Variants in LGR5 observed in about 807,000 individuals in gnomAD.
The protein encoded by LGR5 is leucine rich repeat containing G protein-coupled receptor 5.
A neutral mutation model predicts 76.7 loss-of-function variants in LGR5; 54 were observed. That is an observed-to-expected ratio of 0.70 (90% CI 0.57 to 0.88). The LOEUF (loss-of-function observed/expected upper bound fraction) is 0.88. LGR5 is among the 40% of genes least tolerant of loss of function. LGR5 has a pLI of 0.00. For missense variants in LGR5, 1,078 were observed against 1,073.3 expected (o/e 1.00, Z -0.06); for synonymous variants, 406 against 421.9 (o/e 0.96, Z 0.46).
intron 1 of LGR5, among the ~76,000 whole-genome samples, chr12:71,474,146 C>A (rs1166213612): frequency 1.3e-5 from 2 of 150,962 alleles, no homozygotes; most frequent in Non-Finnish European, 1.5e-5. Context: ...AAACTAAATA[C>A]AAAAAAAAAA....
intron 10 of LGR5, 29 bp from the exon 11 acceptor site, chr12:71,566,812 A>G: frequency 6.2e-7 from 1 of 1,604,794 alleles, no homozygotes; most frequent in Non-Finnish European, 8.5e-7. Context: ...CCTGAATGAA[A>G]GAATTATGTC....
intron 1 of LGR5, among the ~76,000 whole-genome samples, chr12:71,470,961 G>C (rs1351547352): frequency 6.6e-6 from 1 of 152,110 alleles, no homozygotes; most frequent in Non-Finnish European, 1.5e-5. Flanking sequence ...CAGCATCTTG[G>C]TTACATCTTT....
chr12:71,507,605 T>C (rs1266859729), intron 2 of LGR5, among the ~76,000 whole-genome samples: 2 of 152,180 alleles, frequency 1.3e-5, no homozygotes, highest in Non-Finnish European at 2.9e-5. Flanking sequence ...GTTCAATAGG[T>C]CCAAAATAGT....
chr12:71,455,078 A>T (rs891157010), intron 1 of LGR5, among the ~76,000 whole-genome samples: 5 of 152,124 alleles, frequency 3.3e-5, no homozygotes, highest in African/African-American at 1.2e-4. Flanking sequence ...ACTGGGAGCT[A>T]ATTTAACTAT....
chr12:71,467,176 A>G (rs1402347160), intron 1 of LGR5, among the ~76,000 whole-genome samples: 1 of 152,154 alleles, frequency 6.6e-6, no homozygotes, highest in African/African-American at 2.4e-5. Flanking sequence ...TAAATAGTGG[A>G]GTGAGGGGAT....
intron 4 of LGR5, among the ~76,000 whole-genome samples, chr12:71,551,258 T>C (rs1466865730): frequency 6.6e-6 from 1 of 152,244 alleles, no homozygotes; most frequent in Non-Finnish European, 1.5e-5. Context: ...CAGAAGATGA[T>C]TGAAGTGGCA....
Position 71,577,999 on chromosome 12 carries a change from G to A in LGR5, c.1280+3G>A. 1.2e-6 allele frequency: 2 copies of A among 1,601,154 alleles called. No individual in the cohort carries two copies. The highest frequency in any genetic ancestry group is 1.7e-6 in the Non-Finnish European group (2 of 1,168,372). On this transcript the variant is annotated splice_donor_region_variant and intron_variant, in intron 14 of 17. Coordinates refer to ENST00000266674, the MANE Select transcript of LGR5 (RefSeq NM_003667.4). ...ACTTTGCCATCCCTAATAAAGCTGT[G>A]AGTATTCCACAACTTGTTTATGGTA...
intron 4 of LGR5, among the ~76,000 whole-genome samples, chr12:71,538,981 C>T (rs1565733902): frequency 1.3e-5 from 2 of 152,140 alleles, no homozygotes; most frequent in Admixed American, 6.5e-5. Flanking sequence ...TAATTGAAAA[C>T]AGCTTGCATG....
chr12:71,583,502 G>A (rs1425109287), intron 17 of LGR5, 145 bp from the exon 18 acceptor site: 5 of 883,674 alleles, frequency 5.7e-6, no homozygotes, highest in East Asian at 2.4e-5. Flanking sequence ...TTGAGATAGT[G>A]GAGCATGCAC....
chr12:71,548,114 T>C (rs1276159360), intron 4 of LGR5, among the ~76,000 whole-genome samples: 1 of 152,206 alleles, frequency 6.6e-6, no homozygotes, highest in Non-Finnish European at 1.5e-5. Context: ...GTGTTTTACT[T>C]TGCTGCACAT....
intron 2 of LGR5, among the ~76,000 whole-genome samples, chr12:71,509,322 C>A (rs960473938): frequency 6.6e-5 from 10 of 152,136 alleles, no homozygotes; most frequent in African/African-American, 2.2e-4. Context: ...AATGAAAACA[C>A]CTTCAAAAAG....
chr12:71,452,642 C>T (rs895684866), intron 1 of LGR5, among the ~76,000 whole-genome samples: 12 of 152,206 alleles, frequency 7.9e-5, no homozygotes, highest in African/African-American at 2.9e-4. Context: ...TGCTTTTACA[C>T]GTAGTTCCTC....
intron 1 of LGR5, among the ~76,000 whole-genome samples, chr12:71,475,526 G>A (rs1873292775): frequency 6.6e-6 from 1 of 152,120 alleles, no homozygotes; most frequent in African/African-American, 2.4e-5. Flanking sequence ...TGCAACACAA[G>A]CACTTCCATT....
At chr12:71,558,692 C>T (rs1269788361) in intron 6 of LGR5, among the ~76,000 whole-genome samples, 2 of 152,206 alleles carry the variant, frequency 1.3e-5, no homozygotes, top group African/African-American at 4.8e-5. Context: ...AGCAATTCTC[C>T]ACAGAGGAGG....
At chr12:71,486,153 C>T (rs1271498212) in intron 1 of LGR5, among the ~76,000 whole-genome samples, 2 of 152,124 alleles carry the variant, frequency 1.3e-5, no homozygotes, top group East Asian at 1.9e-4. Context: ...TTTAATAATT[C>T]CCCCTTTTTG....
intron 1 of LGR5, among the ~76,000 whole-genome samples, chr12:71,447,131 T>C (rs919077979): frequency 3.3e-5 from 5 of 152,334 alleles, no homozygotes; most frequent in African/African-American, 9.6e-5. Flanking sequence ...ATGCGATACA[T>C]TGTTGTCACG....
At chr12:71,448,121 G>A (rs1360340600) in intron 1 of LGR5, among the ~76,000 whole-genome samples, 1 of 138,852 alleles carries the variant, frequency 7.2e-6, no homozygotes, top group Admixed American at 7.0e-5. Flanking sequence ...ACAAACTGTG[G>A]TGACTAACCT....
intron 13 of LGR5, among the ~76,000 whole-genome samples, chr12:71,575,567 TG>T (rs1426016293): frequency 6.6e-6 from 1 of 151,964 alleles, no homozygotes; most frequent in Non-Finnish European, 1.5e-5. Context: ...AAAAATTAGC[TG>T]GGCATAGTGG....
intron 4 of LGR5, among the ~76,000 whole-genome samples, chr12:71,552,567 CAA>C (rs5799046): frequency 8.1e-5 from 10 of 123,972 alleles, no homozygotes; most frequent in Middle Eastern, 5.2e-3. Context: ...GACTTCGTCT[CAA>C]AAAAAAAAAA....
Sources: gnomAD v4.1 joint callset for allele counts (sites outside exome capture counted in the v4.1 genomes callset) on GRCh38, gnomAD v4.1.1 for gene constraint, MANE v1.5 for transcripts, NCBI Gene and HGNC (gene_info 2026-07-23, HGNC 2026-07-21) for gene names.